The following REV1 variants were observed in gnomAD, a reference collection of about 807,000 sequenced individuals.
The protein encoded by REV1 is REV1 DNA directed polymerase.
A neutral mutation model predicts 137.4 loss-of-function variants in REV1; 42 were observed. The observed-to-expected ratio is 0.31, with a 90% CI of 0.24 to 0.40. The LOEUF (loss-of-function observed/expected upper bound fraction) is 0.40, where lower values mean the gene tolerates loss of function less well. Among genes scored for constraint, REV1 ranks in the 10% least tolerant of loss-of-function variants. The probability of loss-of-function intolerance (pLI) is 1.00; values close to 1 mark genes in which losing one functional copy is unlikely to be tolerated. For synonymous variants in REV1, 524 were observed against 519.2 expected (o/e 1.01, Z -0.12); for missense variants, 1,282 against 1,490.1 (o/e 0.86, Z 2.30).
chr2:99,447,947 C>T (rs560808418), intron 4 of REV1, among the ~76,000 whole-genome samples: 4 of 151,418 alleles, frequency 2.6e-5, no homozygotes, highest in South Asian at 2.1e-4. Context: ...CTGCCCACCT[C>T]GGCCTCCCAA....
rs527273580 is a variant in REV1 at position 99,434,245 on chromosome 2, C to T, written c.1438+87G>A. The T allele has an allele frequency of 1.0e-4, 77 of 768,266 alleles. 1 individual carries two copies. In the South Asian group the frequency reaches 1.6e-3, roughly 16 times the overall value. 47.6% of individuals were successfully genotyped at this position (768,266 alleles called of 1,614,324 possible). On this transcript the variant is annotated intron_variant, in intron 8 of 22. Coordinates refer to ENST00000258428, the MANE Select transcript of REV1 (RefSeq NM_016316.4). Reference sequence around the variant, plus strand: ...AAAAGCTAATTGCTACAACTCTGCACTCATTTCTATTAACAACCATGCCAA... The same window carrying T: ...AAAAGCTAATTGCTACAACTCTGCATTCATTTCTATTAACAACCATGCCAA...
Position 99,406,046 on chromosome 2 carries a change from G to A in REV1, c.2675C>T (p.Pro892Leu). ...SSASRTCTFL[P>L]PFPAHLPTSP... The stretch of plus-strand genomic sequence containing the variant: ...GGTCGGCAGATGTGCAGGAAAAGGT[G>A]GCAAGAAAGTGCAAGTTCTAGAAGC... Residue 892 changes from proline (P) to leucine (L), a missense_variant, in exon 17 of 23, where the codon CCA becomes CTA. Physicochemically the swap from Pro to Leu is moderately conservative, Grantham distance 98. This residue lies in a region of REV1 where 372 missense variants were observed against 482.3 expected (regional missense o/e 0.77). Coordinates refer to ENST00000258428, the MANE Select transcript of REV1 (RefSeq NM_016316.4). The A allele has an allele frequency of 6.2e-7, 1 of 1,613,648 alleles. No individual in the cohort carries two copies. The highest frequency in any genetic ancestry group is 8.5e-7 in the Non-Finnish European group (1 of 1,179,914).
chr2:99,416,143 A>C (rs964978703), intron 12 of REV1, among the ~76,000 whole-genome samples: 5 of 152,258 alleles, frequency 3.3e-5, no homozygotes, highest in Admixed American at 1.3e-4. Flanking sequence ...GCAAGTTACC[A>C]CTGAATTTCT....
chr2:99,409,678 T>C (rs1379106304), intron 14 of REV1, among the ~76,000 whole-genome samples: 1 of 151,958 alleles, frequency 6.6e-6, no homozygotes, highest in Non-Finnish European at 1.5e-5. Context: ...ACCCTATCTC[T>C]ACTGAAAATA....
At chr2:99,433,979 TCATA>T (rs1680427482) in intron 8 of REV1, among the ~76,000 whole-genome samples, 4 of 152,190 alleles carry the variant, frequency 2.6e-5, no homozygotes, top group Non-Finnish European at 4.4e-5. Flanking sequence ...TTCTACTTCC[TCATA>T]CAAATCTTGA....
At chr2:99,479,857 C>G (rs142003543) in intron 1 of REV1, among the ~76,000 whole-genome samples, 1 of 152,160 alleles carries the variant, frequency 6.6e-6, no homozygotes, top group African/African-American at 2.4e-5. Flanking sequence ...ACAGAGAAAA[C>G]AGCCATAAAT....
At chr2:99,471,905 A>C (rs1053227354) in intron 1 of REV1, among the ~76,000 whole-genome samples, 18 of 151,734 alleles carry the variant, frequency 1.2e-4, no homozygotes, top group Admixed American at 2.6e-4. Context: ...AAAAAAAAAA[A>C]AAAAAACAAG....
rs200143519 is a variant in REV1, at chr2:99,438,799, C to G, written c.1015G>C (p.Val339Leu). Residue 339 changes from valine (V) to leucine (L), a missense_variant, in exon 6 of 23, where the codon GTG (valine) becomes CTG (leucine). This residue lies in a region of REV1 where 432 missense variants were observed against 438.0 expected (regional missense o/e 0.99). Transcript: ENST00000258428. Reference sequence around the variant, plus strand: ...TTGCAGTCTGAAGGTTTGGATGGCACTGAAGGTGCTGCCTTGCTAAACGTA... The same window carrying G: ...TTGCAGTCTGAAGGTTTGGATGGCAGTGAAGGTGCTGCCTTGCTAAACGTA... Reference protein sequence around the residue: ...VSTFSKAAPSVPSKPSDCNFI... With the variant: ...VSTFSKAAPSLPSKPSDCNFI... The G allele has an allele frequency of 1.4e-5, 22 of 1,614,128 alleles. No homozygotes were observed. In the Middle Eastern group the frequency reaches 4.9e-4, roughly 36 times the overall value.
intron 12 of REV1, 29 bp from the exon 13 acceptor site, chr2:99,412,980 A>G: frequency 6.8e-7 from 1 of 1,480,482 alleles, no homozygotes; most frequent in South Asian, 1.1e-5. Flanking sequence ...TTAAGTATGC[A>G]GAATAAGCTA....
At chr2:99,406,178 A>G in intron 16 of REV1, 72 bp from the exon 17 acceptor site, 1 of 1,407,526 alleles carries the variant, frequency 7.1e-7, no homozygotes, top group Non-Finnish European at 9.5e-7. Context: ...TGTCCATTAC[A>G]AATAAAAAAA....
chr2:99,427,190 A>G (rs562241004), intron 9 of REV1, among the ~76,000 whole-genome samples: 284 of 152,288 alleles, frequency 1.9e-3, no homozygotes, highest in Non-Finnish European at 2.7e-3. Flanking sequence ...TCTGGGGGAA[A>G]AAAATTGCCA....
chr2:99,488,856 T>C (rs1038857472), intron 1 of REV1, among the ~76,000 whole-genome samples: 2 of 152,228 alleles, frequency 1.3e-5, no homozygotes, highest in African/African-American at 4.8e-5. Context: ...TTACAGACTG[T>C]TACATAAAGT....
rs1382171754 is a variant in REV1, at chr2:99,464,951, G to T, written c.25C>A (p.Arg9=). 1 of 1,612,928 alleles carries T rather than the reference G, an allele frequency of 6.2e-7. No homozygotes were observed. The highest frequency in any genetic ancestry group is 8.5e-7 in the Non-Finnish European group (1 of 1,179,516). The change falls in exon 2 of 23, where the codon CGA becomes AGA. Residue 9 remains arginine (R), a synonymous_variant. Transcript: ENST00000258428. MRRGGWRK[R]AENDGWETWG... Reference sequence around the variant, plus strand: ...GTTTCCCAGCCATCATTTTCAGCTCGCTTCCTCCATCCACCTCGCCTCATG... The same window carrying T: ...GTTTCCCAGCCATCATTTTCAGCTCTCTTCCTCCATCCACCTCGCCTCATG...
At chr2:99,427,972 C>A (rs1395995745) in intron 9 of REV1, among the ~76,000 whole-genome samples, 1 of 152,068 alleles carries the variant, frequency 6.6e-6, no homozygotes, top group East Asian at 1.9e-4. Flanking sequence ...AATGCACCAT[C>A]CAAACACCCA....
chr2:99,424,879 G>C (rs1368982147), intron 9 of REV1: 17 of 1,302,644 alleles, frequency 1.3e-5, no homozygotes, highest in Non-Finnish European at 1.7e-5. Flanking sequence ...CAGGAGCCAG[G>C]GTTCCAGAAC....
rs941783232 is a variant in REV1 at position 99,435,161 on chromosome 2, A to G, written c.1321+673T>C. Among the ~76,000 whole-genome samples, 4 of 152,194 alleles carry G rather than the reference A, an allele frequency of 2.6e-5. No homozygotes were observed. The South Asian group carries it at 6.2e-4, about 24-fold the overall frequency. On this transcript the variant is annotated intron_variant, in intron 7 of 22. Coordinates refer to ENST00000258428, the MANE Select transcript of REV1 (RefSeq NM_016316.4). The stretch of plus-strand genomic sequence containing the variant: ...CTCCTTTCAGAGCTGAGGAACTACT[A>G]CCCATGACAAAAATAAAGTCCTGGT...
intron 1 of REV1, among the ~76,000 whole-genome samples, chr2:99,485,297 C>T (rs553540104): frequency 1.3e-5 from 2 of 152,274 alleles, no homozygotes; most frequent in Non-Finnish European, 2.9e-5. Context: ...TCAATTCTTT[C>T]TTCTCTTATT....
chr2:99,442,577 A>G, intron 4 of REV1, 108 bp from the exon 5 acceptor site: 1 of 1,017,788 alleles, frequency 9.8e-7, no homozygotes. Flanking sequence ...ACAACAGGTC[A>G]TCTGTTTTCC....
intron 12 of REV1, among the ~76,000 whole-genome samples, chr2:99,415,040 C>T (rs1677662165): frequency 6.6e-6 from 1 of 152,084 alleles, no homozygotes; most frequent in African/African-American, 2.4e-5. Flanking sequence ...GCAGGCTCAT[C>T]TGATGGAATG....
Sources: gnomAD v4.1 joint callset for allele counts (sites outside exome capture counted in the v4.1 genomes callset) on GRCh38, gnomAD v4.1.1 for gene constraint, gnomAD v4.1.1 regional missense constraint, MANE v1.5 for transcripts, NCBI Gene and HGNC (gene_info 2026-07-23, HGNC 2026-07-21) for gene names.